Variants in NECTIN3 observed in about 807,000 individuals in gnomAD.
NECTIN3 encodes the protein nectin-3.
In NECTIN3, 8 loss-of-function variants were observed where a neutral mutation model predicts 49.4. That is an observed-to-expected ratio of 0.16 (90% CI 0.10 to 0.29). NECTIN3 has a LOEUF of 0.29. Ranked by LOEUF, NECTIN3 falls within the 10% of genes least tolerant of loss-of-function variation. NECTIN3 has a pLI of 1.00. For missense variants in NECTIN3, 581 were observed against 654.6 expected (o/e 0.89, Z 1.23); for synonymous variants, 277 against 241.1 (o/e 1.15, Z -1.38).
intron 1 of NECTIN3, among the ~76,000 whole-genome samples, chr3:111,098,876 C>T (rs1559776170): frequency 6.6e-6 from 1 of 151,312 alleles, no homozygotes; most frequent in Non-Finnish European, 1.5e-5. Flanking sequence ...TTTGTCCTTC[C>T]TCAGCATAAA....
At chr3:111,091,138 C>G (rs951435093) in intron 1 of NECTIN3, among the ~76,000 whole-genome samples, 1 of 152,078 alleles carries the variant, frequency 6.6e-6, no homozygotes, top group Non-Finnish European at 1.5e-5. Context: ...CCCATTTTAC[C>G]TCACTGCTCC....
At chr3:111,072,475 G>T in intron 1 of NECTIN3, 1 of 1,535,864 alleles carries the variant, frequency 6.5e-7, no homozygotes, top group Non-Finnish European at 8.7e-7. Context: ...TTGCTCCGGG[G>T]ACCGTTACTT....
rs371778883 is a variant in NECTIN3, at chr3:111,118,717, A to T, written c.564A>T (p.Thr188=). 1 of 1,613,928 alleles carries T rather than the reference A, an allele frequency of 6.2e-7. No individual in the cohort carries two copies. The highest frequency in any genetic ancestry group is 1.3e-5 in the African/African-American group (1 of 74,942). ...PDSLIDGGNE[T]VAAICIAATG... Reference sequence around the variant, plus strand: ...CTTTAATTGATGGAGGAAATGAAACAGTAGCAGCCATTTGCATCGCAGCCA... The same window carrying T: ...CTTTAATTGATGGAGGAAATGAAACTGTAGCAGCCATTTGCATCGCAGCCA... Residue 188 remains threonine (T), a synonymous_variant, in exon 3 of 6, where the codon ACA becomes ACT. Transcript: ENST00000485303.
intron 7 of NECTIN3, among the ~76,000 whole-genome samples, chr3:111,182,124 A>G (rs1170924426): frequency 6.6e-6 from 1 of 152,080 alleles, no homozygotes; most frequent in East Asian, 1.9e-4. Context: ...AGTATATTTT[A>G]CAAACATTTT....
At chr3:111,190,295 A>G (rs1429299440), upstream of NECTIN3, among the ~76,000 whole-genome samples, 2 of 152,218 alleles carry the variant, frequency 1.3e-5, no homozygotes, top group Non-Finnish European at 2.9e-5. Context: ...AACATGTCAC[A>G]TAATTTATAA....
At chr3:111,138,983 T>G (rs544430174), downstream of NECTIN3, among the ~76,000 whole-genome samples, 31 of 151,608 alleles carry the variant, frequency 2.0e-4, no homozygotes, top group Non-Finnish European at 4.0e-4. Context: ...ACAAAAAGCT[T>G]CTTATTATGG....
chr3:111,159,297 C>A (rs187542737), intron 7 of NECTIN3, among the ~76,000 whole-genome samples: 154 of 152,152 alleles, frequency 1.0e-3, no homozygotes, highest in African/African-American at 3.5e-3. Context: ...CCTTTACTTC[C>A]ACTCCCATTA....
At chr3:111,113,635 T>C (rs2033565928) in intron 2 of NECTIN3, among the ~76,000 whole-genome samples, 1 of 152,158 alleles carries the variant, frequency 6.6e-6, no homozygotes, top group African/African-American at 2.4e-5. Flanking sequence ...TGAGAAATTT[T>C]CTGATTAGAA....
chr3:111,144,609 C>G (rs973491108), intron 5 of NECTIN3, among the ~76,000 whole-genome samples: 3 of 151,850 alleles, frequency 2.0e-5, no homozygotes, highest in African/African-American at 7.2e-5. Context: ...CTTTTTCTCT[C>G]TCTTCTTCTC....
At chr3:111,126,705 T>G (rs1483652192) in intron 5 of NECTIN3, among the ~76,000 whole-genome samples, 1 of 152,212 alleles carries the variant, frequency 6.6e-6, no homozygotes, top group African/African-American at 2.4e-5. Flanking sequence ...ATGGCCACTT[T>G]GTACACAGTT....
chr3:111,079,265 T>G (rs1344145255), intron 1 of NECTIN3, among the ~76,000 whole-genome samples: 3 of 152,098 alleles, frequency 2.0e-5, no homozygotes, highest in Non-Finnish European at 4.4e-5. Flanking sequence ...TGTAGCTAGA[T>G]TCTTAAAGTA....
At chr3:111,121,259 C>T (rs1192432634) in intron 3 of NECTIN3, among the ~76,000 whole-genome samples, 6 of 151,610 alleles carry the variant, frequency 4.0e-5, no homozygotes, top group South Asian at 2.1e-4. Flanking sequence ...ATGATCCTCC[C>T]GCCTCAGCTT....
In NECTIN3 at chr3:111,134,771, A is replaced by T; in HGVS notation, c.*556A>T. The T allele has an allele frequency of 5.1e-6, 5 of 971,204 alleles. No individual in the cohort carries two copies. Among genetic ancestry groups the T allele is most frequent in the Non-Finnish European group, 6.1e-6 (5 of 817,136 alleles). 60.2% of individuals were successfully genotyped at this position (971,204 alleles called of 1,614,324 possible). A position where few individuals can be genotyped will look rare whatever the true frequency, so the allele number is the denominator to read the frequency against. Reference sequence around the variant, plus strand: ...CATTATTTTCTAAGTTTCTATACAAATGAAATCTTTACCTCTGCATATTAA... The same window carrying T: ...CATTATTTTCTAAGTTTCTATACAATTGAAATCTTTACCTCTGCATATTAA... On this transcript the variant is annotated 3_prime_UTR_variant, in exon 6 of 6. Transcript: ENST00000485303.
At chr3:111,130,763 C>T (rs1242171333) in intron 5 of NECTIN3, among the ~76,000 whole-genome samples, 1 of 152,046 alleles carries the variant, frequency 6.6e-6, no homozygotes, top group African/African-American at 2.4e-5. Context: ...TTAAATTGTA[C>T]TCTATTATAT....
chr3:111,180,954 T>C (rs1342487896), intron 7 of NECTIN3, among the ~76,000 whole-genome samples: 1 of 152,224 alleles, frequency 6.6e-6, no homozygotes, highest in African/African-American at 2.4e-5. Context: ...AAAAAAACTT[T>C]ATTGAGTTGG....
chr3:111,112,917 C>T (rs764163770), intron 2 of NECTIN3, among the ~76,000 whole-genome samples: 5 of 152,098 alleles, frequency 3.3e-5, no homozygotes, highest in Non-Finnish European at 5.9e-5. Flanking sequence ...GTTGAAAAAG[C>T]TCGTTAACTT....
At chr3:111,122,272 A>G in intron 4 of NECTIN3, 34 bp downstream of exon 4, 1 of 1,479,258 alleles carries the variant, frequency 6.8e-7, no homozygotes, top group Non-Finnish European at 9.4e-7. Flanking sequence ...GAAATTATCT[A>G]AAAGTGAAAC....
At chr3:111,188,906 T>TC (rs2035767490), upstream of NECTIN3, among the ~76,000 whole-genome samples, 1 of 152,104 alleles carries the variant, frequency 6.6e-6, no homozygotes, top group Admixed American at 6.5e-5. Context: ...AACCAAATCT[T>TC]CCCTTGAACT....
rs1050209227 is a variant in NECTIN3, at chr3:111,137,103, G to A, written c.*2888G>A. The A allele has an allele frequency of 8.1e-6, 8 of 982,466 alleles. No individual in the cohort carries two copies. The highest frequency in any genetic ancestry group is 9.7e-6 in the Non-Finnish European group (8 of 827,520). The allele number at this position is 982,466 out of a possible 1,614,324, so 60.9% of individuals were successfully genotyped here. A position where few individuals can be genotyped will look rare whatever the true frequency, so the allele number is the denominator to read the frequency against. ...GGAGCTGTAGGAGTACAGTGTATAAGTACAGAAATTGAGAGAAATGTAGTC... is the reference window on the plus strand; with the variant it reads ...GGAGCTGTAGGAGTACAGTGTATAAATACAGAAATTGAGAGAAATGTAGTC... On this transcript the variant is annotated 3_prime_UTR_variant, in exon 6 of 6. Coordinates refer to ENST00000485303, the MANE Select transcript of NECTIN3 (RefSeq NM_015480.3).
Sources: gnomAD v4.1 joint callset for allele counts (sites outside exome capture counted in the v4.1 genomes callset) on GRCh38, gnomAD v4.1.1 for gene constraint, MANE v1.5 for transcripts, NCBI Gene and HGNC (gene_info 2026-07-23, HGNC 2026-07-21) for gene names.